CTNNA2: variants seen among roughly 807,000 people sequenced by gnomAD.
CTNNA2 encodes catenin alpha 2.
In CTNNA2, 42 loss-of-function variants were observed where a neutral mutation model predicts 101.0. That is an observed-to-expected ratio of 0.42 (90% CI 0.32 to 0.54). CTNNA2 has a LOEUF of 0.54. Among genes scored for constraint, CTNNA2 ranks in the 20% least tolerant of loss-of-function variants. The pLI, the probability that CTNNA2 is intolerant of heterozygous loss-of-function variation, is 0.14. For missense variants in CTNNA2, 871 were observed against 1,223.1 expected (o/e 0.71, Z 4.29); for synonymous variants, 450 against 456.4 (o/e 0.99, Z 0.18).
At position 80,123,413 on chromosome 2, in the gene CTNNA2, G is replaced by A. The variant is rs535800726; in HGVS notation, c.1056+213616G>A. Among the ~76,000 whole-genome samples the A allele has an allele frequency of 1.9e-4, 28 of 150,204 alleles. No individual in the cohort carries two copies. In the East Asian group the frequency reaches 5.1e-3, roughly 28 times the overall value. The stretch of plus-strand genomic sequence containing the variant: ...AGAACATCTTCAGCTTGTCCTTAAA[G>A]AGGATGGAGAACATTTGAATTGTTA... On this transcript the variant is annotated intron_variant, in intron 7 of 18. Transcript: ENST00000402739.
chr2:80,543,144 A>G (rs1691727587), intron 9 of CTNNA2, among the ~76,000 whole-genome samples: 1 of 152,248 alleles, frequency 6.6e-6, no homozygotes, highest in Non-Finnish European at 1.5e-5. Flanking sequence ...TGTACAAAAC[A>G]CCAATTCTGT....
intron 4 of CTNNA2, among the ~76,000 whole-genome samples, chr2:79,396,593 A>T (rs1042047927): frequency 6.6e-6 from 1 of 152,140 alleles, no homozygotes; most frequent in Non-Finnish European, 1.5e-5. Context: ...ATAAAATTTC[A>T]CTTTTCTAAT....
At chr2:79,556,931 T>C (rs1674483444) in intron 1 of CTNNA2, among the ~76,000 whole-genome samples, 2 of 152,038 alleles carry the variant, frequency 1.3e-5, no homozygotes, top group South Asian at 4.1e-4. Context: ...CATCTTTTTC[T>C]ATCTCCTGAG....
chr2:80,569,633 G>GTTGTTTTTTTTT (rs1694376557), intron 12 of CTNNA2, among the ~76,000 whole-genome samples: 1 of 51,718 alleles, frequency 1.9e-5, no homozygotes, highest in Non-Finnish European at 3.9e-5. Flanking sequence ...GGGTATTTAG[G>GTTGTTTTTTTTT]TTTTTTTTTT....
intron 7 of CTNNA2, among the ~76,000 whole-genome samples, chr2:80,105,717 G>A: frequency 6.6e-6 from 1 of 151,912 alleles, no homozygotes; most frequent in Non-Finnish European, 1.5e-5. Context: ...TTGGGCAACA[G>A]AGGGAGATCT....
intron 3 of CTNNA2, among the ~76,000 whole-genome samples, chr2:79,828,639 T>A (rs1384782507): frequency 1.3e-5 from 2 of 152,236 alleles, no homozygotes; most frequent in Non-Finnish European, 2.9e-5. Context: ...TTTCTGCTCT[T>A]GGACTAAGTG....
At chr2:79,982,424 C>T (rs866943899) in intron 7 of CTNNA2, among the ~76,000 whole-genome samples, 1 of 145,000 alleles carries the variant, frequency 6.9e-6, no homozygotes, top group Admixed American at 7.0e-5. Flanking sequence ...ATATATAACA[C>T]ATATATAACA....
rs1252392496 is a variant in CTNNA2, at chr2:80,302,539, C to T, written c.1057-90672C>T. ...TGAGGGCCATGGTGCCCGTGACCAC[C>T]TTGTGGATCTGCACGGCGTTCTCGG... is the stretch of plus-strand genomic sequence containing the variant. On this transcript the variant is annotated intron_variant, in intron 7 of 18. Coordinates refer to ENST00000402739, the MANE Select transcript of CTNNA2 (RefSeq NM_001282597.3). This position sits in a 1 kb window ranked among gnomAD's most constrained non-coding sequence, Gnocchi z 6.4. 12 of 1,611,162 alleles carry T rather than the reference C, an allele frequency of 7.4e-6. No individual in the cohort carries two copies. The highest frequency in any genetic ancestry group is 1.3e-5 in the African/African-American group (1 of 74,954).
chr2:80,420,049 A>C (rs1426652883), intron 9 of CTNNA2, among the ~76,000 whole-genome samples: 26 of 145,086 alleles, frequency 1.8e-4, no homozygotes, highest in Admixed American at 1.4e-3. Context: ...AAAAAAAAAA[A>C]AAAAAAAAAA....
chr2:80,023,542 G>C (rs1694720720), intron 7 of CTNNA2, among the ~76,000 whole-genome samples: 1 of 152,022 alleles, frequency 6.6e-6, no homozygotes, highest in African/African-American at 2.4e-5. Context: ...TGATTAAAGT[G>C]GTTCTATTTC....
chr2:80,191,043 C>T (rs1423842019), intron 7 of CTNNA2, among the ~76,000 whole-genome samples: 1 of 152,122 alleles, frequency 6.6e-6, no homozygotes, highest in Admixed American at 6.5e-5. Flanking sequence ...GTATGGTGAC[C>T]TTAAACTTCC....
upstream of CTNNA2, chr2:79,512,950 C>G (rs1419991030): frequency 1.3e-5 from 2 of 151,642 alleles, no homozygotes; most frequent in Non-Finnish European, 2.9e-5. Flanking sequence ...GCGATCCGGG[C>G]CGCTGCCGCT....
chr2:79,352,878 G>A (rs925318550), intron 3 of CTNNA2, among the ~76,000 whole-genome samples: 1 of 152,134 alleles, frequency 6.6e-6, no homozygotes, highest in African/African-American at 2.4e-5. Context: ...CTTCTGGGGA[G>A]CCTCAGAAAA....
intron 7 of CTNNA2, among the ~76,000 whole-genome samples, chr2:80,367,291 T>C (rs985374913): frequency 7.2e-5 from 11 of 151,994 alleles, no homozygotes; most frequent in African/African-American, 2.7e-4. Flanking sequence ...TTGTGGAGAG[T>C]GCACAGATTC....
At chr2:79,843,099 A>T (rs1679952593) in intron 3 of CTNNA2, among the ~76,000 whole-genome samples, 1 of 152,226 alleles carries the variant, frequency 6.6e-6, no homozygotes, top group Non-Finnish European at 1.5e-5. Context: ...AATGGGGCAA[A>T]AGAAGCCTTA....
At chr2:80,287,910 G>A (rs1414867766) in intron 7 of CTNNA2, among the ~76,000 whole-genome samples, 2 of 152,162 alleles carry the variant, frequency 1.3e-5, no homozygotes, top group African/African-American at 4.8e-5. Context: ...CCAGGTAAAG[G>A]CATTGCATTT....
At chr2:79,237,995 C>T (rs1205986721) in intron 2 of CTNNA2, among the ~76,000 whole-genome samples, 1 of 152,182 alleles carries the variant, frequency 6.6e-6, no homozygotes, top group Non-Finnish European at 1.5e-5. Flanking sequence ...CCTTTGTGAA[C>T]TTTTCCTTCG....
At chr2:79,812,004 G>A (rs777779908) in intron 3 of CTNNA2, among the ~76,000 whole-genome samples, 6 of 151,968 alleles carry the variant, frequency 3.9e-5, no homozygotes, top group East Asian at 3.9e-4. Flanking sequence ...AAAAAATTTC[G>A]ATTTCCAATT....
At chr2:80,589,860 CTG>C (rs59206973) in intron 15 of CTNNA2, among the ~76,000 whole-genome samples, 27,070 of 140,342 alleles carry the variant, frequency 0.19, 2,345 homozygotes, top group Admixed American at 0.21. Flanking sequence ...ATATGTACCT[CTG>C]TGTGTGTGTG....
Sources: gnomAD v4.1 joint callset for allele counts (sites outside exome capture counted in the v4.1 genomes callset) on GRCh38, gnomAD v4.1.1 for gene constraint, Gnocchi (gnomAD v3.1) non-coding constraint, MANE v1.5 for transcripts, NCBI Gene and HGNC (gene_info 2026-07-23, HGNC 2026-07-21) for gene names.